The following NAV1 variants were observed in gnomAD, a reference collection of about 807,000 sequenced individuals.
The protein encoded by NAV1 is pore membrane and/or filament interacting like protein 3.
A neutral mutation model predicts 175.2 loss-of-function variants in NAV1; 18 were observed. That is an observed-to-expected ratio of 0.10 (90% CI 0.07 to 0.15). The LOEUF (loss-of-function observed/expected upper bound fraction) is 0.15. Among genes scored for constraint, NAV1 ranks in the 10% least tolerant of loss-of-function variants. The probability of loss-of-function intolerance (pLI) is 1.00; values close to 1 mark genes in which losing one functional copy is unlikely to be tolerated. For synonymous variants in NAV1, 897 were observed against 978.7 expected (o/e 0.92, Z 1.56); for missense variants, 1,731 against 2,436.6 (o/e 0.71, Z 6.10).
chr1:201,623,719 C>T (rs2102281079), intron 1 of NAV1, 113 bp downstream of exon 3: 4 of 951,360 alleles, frequency 4.2e-6, no homozygotes, highest in Non-Finnish European at 5.0e-6. Context: ...GACCAGAGGG[C>T]CCCAGGCGAT....
intron 2 of NAV1, among the ~76,000 whole-genome samples, chr1:201,610,692 A>G (rs1667819200): frequency 1.3e-5 from 2 of 152,172 alleles, no homozygotes; most frequent in Non-Finnish European, 2.9e-5. Context: ...GGGAATGCCA[A>G]GTCTGGGAAG....
rs1571493873 is a variant in NAV1 at position 201,787,629 on chromosome 1, G to A, written c.2996-839G>A. On this transcript the variant is annotated intron_variant, in intron 9 of 29. Transcript: ENST00000367296. The surrounding 1 kb of genome is among the most constrained non-coding windows in gnomAD (Gnocchi z 4.3). ...AGGAATTTGAAAAGGTCAACAGAGA[G>A]GTGTGCCATCTTCTTCTGCACAGGT... 1 of 456,036 alleles carries A rather than the reference G, an allele frequency of 2.2e-6. No homozygotes were observed. Among genetic ancestry groups the A allele is most frequent in the African/African-American group, 2.0e-5 (1 of 50,200 alleles). The allele number at this position is 456,036 out of a possible 1,614,324, so 28.2% of individuals were successfully genotyped here.
chr1:201,770,903 A>G (rs1242009317), intron 3 of NAV1, among the ~76,000 whole-genome samples: 1 of 152,172 alleles, frequency 6.6e-6, no homozygotes, highest in African/African-American at 2.4e-5. Flanking sequence ...ACCTTCACTG[A>G]TTATACAGCA....
At position 201,813,175 on chromosome 1, in the gene NAV1, G is replaced by A; in HGVS notation, c.5257G>A (p.Glu1753Lys). The A allele has an allele frequency of 6.2e-7, 1 of 1,614,064 alleles. No individual in the cohort carries two copies. The highest frequency in any genetic ancestry group is 8.5e-7 in the Non-Finnish European group (1 of 1,179,986). ...CTTTCTGTCGTGTCCCATTGGCATT[G>A]AGGACTTCCGGACCTGGTTCATTGA... Residue 1753 changes from glutamate (E) to lysine (K), a missense_variant, in exon 28 of 30, where the codon GAG becomes AAG. Around this residue, in one of 13 missense-constraint regions of NAV1, gnomAD observed 30 missense variants for 97.3 expected, o/e 0.31. Transcript: ENST00000367296. The surrounding 1 kb of genome is among the most constrained non-coding windows in gnomAD (Gnocchi z 4.2).
intron 15 of NAV1, among the ~76,000 whole-genome samples, chr1:201,802,397 G>T (rs1485247742): frequency 1.4e-5 from 2 of 140,268 alleles, no homozygotes; most frequent in South Asian, 2.3e-4. Flanking sequence ...GTGGCAAGAG[G>T]ATCACTTGAA....
At chr1:201,598,238 T>C (rs1667411942) in intron 2 of NAV1, among the ~76,000 whole-genome samples, 1 of 152,182 alleles carries the variant, frequency 6.6e-6, no homozygotes, top group African/African-American at 2.4e-5. Context: ...AGAAATTAGC[T>C]AAGGATAAGC....
At chr1:201,753,541 A>C (rs1674265831) in intron 3 of NAV1, among the ~76,000 whole-genome samples, 1 of 152,216 alleles carries the variant, frequency 6.6e-6, no homozygotes, top group Admixed American at 6.5e-5. Flanking sequence ...ATTTTACCTT[A>C]ATAGTGCTTC....
chr1:201,622,885 A>T, upstream of NAV1: 1 of 986,044 alleles, frequency 1.0e-6, no homozygotes, highest in Non-Finnish European at 1.2e-6. Context: ...CTTGCAGACC[A>T]TGAATGGGAT....
At chr1:201,767,393 G>A (rs1038189543) in intron 3 of NAV1, among the ~76,000 whole-genome samples, 1 of 151,910 alleles carries the variant, frequency 6.6e-6, no homozygotes, top group Non-Finnish European at 1.5e-5. Context: ...GGAGGTTGCA[G>A]TGAGCCGAGA....
intron 2 of NAV1, among the ~76,000 whole-genome samples, chr1:201,607,087 G>A (rs1667703700): frequency 6.6e-6 from 1 of 151,660 alleles, no homozygotes; most frequent in Non-Finnish European, 1.5e-5. Flanking sequence ...AATGGCTAGT[G>A]GTGGTAAAGT....
chr1:201,817,123 G>A, exon 29 of NAV1: 1 of 1,614,136 alleles, frequency 6.2e-7, no homozygotes, highest in Non-Finnish European at 8.5e-7. Flanking sequence ...AGGACCCAGT[G>A]GAATGGGTCC....
chr1:201,628,387 G>A (rs191435748), intron 1 of NAV1, among the ~76,000 whole-genome samples: 7 of 152,214 alleles, frequency 4.6e-5, no homozygotes, highest in Admixed American at 3.3e-4. Context: ...CAGCCTTGAG[G>A]GGCATCTTTT....
At chr1:201,790,008 C>T (rs764892381) in intron 11 of NAV1, among the ~76,000 whole-genome samples, 6 of 152,166 alleles carry the variant, frequency 3.9e-5, no homozygotes, top group Non-Finnish European at 8.8e-5. Flanking sequence ...CCACCACCAG[C>T]TCCTGAGCAA....
intron 1 of NAV1, among the ~76,000 whole-genome samples, chr1:201,584,227 C>G (rs1430465338): frequency 6.6e-6 from 1 of 152,214 alleles, no homozygotes; most frequent in Non-Finnish European, 1.5e-5. Flanking sequence ...GATTCAAACC[C>G]ACATTTATGA....
intron 1 of NAV1, among the ~76,000 whole-genome samples, chr1:201,568,329 G>C (rs74598764): frequency 0.036 from 5,509 of 152,278 alleles, 200 homozygotes; most frequent in East Asian, 0.18. Flanking sequence ...ACCCTGGCTT[G>C]TCTGTTTCCT....
At chr1:201,549,341 T>C (rs906159586) in intron 1 of NAV1, among the ~76,000 whole-genome samples, 17 of 152,012 alleles carry the variant, frequency 1.1e-4, no homozygotes, top group African/African-American at 3.6e-4. Flanking sequence ...CCCGAGTAGC[T>C]GGGATTACAG....
chr1:201,590,476 C>T (rs935709189), intron 2 of NAV1, among the ~76,000 whole-genome samples: 3 of 152,196 alleles, frequency 2.0e-5, no homozygotes, highest in African/African-American at 2.4e-5. Context: ...TGTATACAGT[C>T]GTTTAACTAC....
intron 3 of NAV1, among the ~76,000 whole-genome samples, chr1:201,767,480 A>T (rs1675289345): frequency 6.6e-6 from 1 of 152,134 alleles, no homozygotes; most frequent in Non-Finnish European, 1.5e-5. Flanking sequence ...ATAAAAAGTA[A>T]AACAGGTAAA....
chr1:201,794,511 A>G (rs751878166), exon 15 of NAV1: 2 of 1,613,766 alleles, frequency 1.2e-6, no homozygotes, highest in Non-Finnish European at 1.7e-6. Flanking sequence ...CTTTCTGAAG[A>G]AAAAGAACTC....
Sources: allele counts gnomAD v4.1 joint callset (sites outside exome capture counted in the v4.1 genomes callset), GRCh38; gene constraint gnomAD v4.1.1; regional missense constraint gnomAD v4.1.1; non-coding constraint Gnocchi (gnomAD v3.1); transcripts MANE v1.5; gene names NCBI Gene and HGNC (gene_info 2026-07-23, HGNC 2026-07-21).